The following ZNF423 variants were observed in gnomAD, a reference collection of about 807,000 sequenced individuals.
ZNF423 encodes the protein zinc finger protein 423, also known as Ebf-associated zinc finger protein.
A neutral mutation model predicts 95.8 loss-of-function variants in ZNF423; 12 were observed. That is an observed-to-expected ratio of 0.13 (90% CI 0.08 to 0.20). The LOEUF is 0.20. Among genes scored for constraint, ZNF423 ranks in the 10% least tolerant of loss-of-function variants. ZNF423 has a pLI of 1.00. For missense variants in ZNF423, 1,316 were observed against 1,737.1 expected (o/e 0.76, Z 4.31); for synonymous variants, 749 against 711.9 (o/e 1.05, Z -0.83).
At chr16:49,748,928 G>T (rs2110828) in intron 2 of ZNF423, among the ~76,000 whole-genome samples, 82,114 of 152,006 alleles carry the variant, frequency 0.54, 22,787 homozygotes, top group African/African-American at 0.68. Flanking sequence ...CTCTCATGCA[G>T]AAAGAGGTCA....
intron 5 of ZNF423, among the ~76,000 whole-genome samples, chr16:49,602,297 C>T (rs940952199): frequency 6.6e-6 from 1 of 152,222 alleles, no homozygotes; most frequent in African/African-American, 2.4e-5. Context: ...ATTGCCCACA[C>T]CCTCAGTTTT....
intron 3 of ZNF423, among the ~76,000 whole-genome samples, chr16:49,677,004 G>A (rs553364962): frequency 1.4e-3 from 216 of 151,658 alleles, no homozygotes; most frequent in African/African-American, 4.9e-3. Flanking sequence ...GATCACCTGA[G>A]GTCAGGAGCT....
At chr16:49,750,902 A>AG (rs927641065) in intron 2 of ZNF423, among the ~76,000 whole-genome samples, 1 of 152,202 alleles carries the variant, frequency 6.6e-6, no homozygotes, top group African/African-American at 2.4e-5. Flanking sequence ...GGGAGCAGCA[A>AG]GCACAAAGGA....
At chr16:49,801,503 A>C (rs2034582889) in intron 1 of ZNF423, among the ~76,000 whole-genome samples, 1 of 152,358 alleles carries the variant, frequency 6.6e-6, no homozygotes, top group Non-Finnish European at 1.5e-5. Context: ...CTGAATAAGC[A>C]GTGAAGTGCA....
intron 2 of ZNF423, among the ~76,000 whole-genome samples, chr16:49,753,464 G>T (rs146366026): frequency 6.6e-6 from 1 of 150,642 alleles, no homozygotes; most frequent in East Asian, 2.0e-4. Flanking sequence ...TTAGCCAGGC[G>T]TGGTGATGTG....
At chr16:49,693,045 C>T (rs1433590530) in intron 3 of ZNF423, among the ~76,000 whole-genome samples, 2 of 152,298 alleles carry the variant, frequency 1.3e-5, no homozygotes, top group East Asian at 1.9e-4. Context: ...TTGGATGAGC[C>T]ATAGAGTTCA....
chr16:49,664,386 G>A, intron 3 of ZNF423: 1 of 720,314 alleles, frequency 1.4e-6, no homozygotes, highest in African/African-American at 1.9e-5. Flanking sequence ...GCACAGATGG[G>A]GAGGGAGAGG....
At chr16:49,601,478 C>T (rs770734931) in intron 5 of ZNF423, among the ~76,000 whole-genome samples, 1 of 152,192 alleles carries the variant, frequency 6.6e-6, no homozygotes, top group East Asian at 1.9e-4. Context: ...CCCACAGGAA[C>T]GGAACCTGGT....
At chr16:49,494,394 A>G (rs1967080104) in intron 7 of ZNF423, among the ~76,000 whole-genome samples, 1 of 152,226 alleles carries the variant, frequency 6.6e-6, no homozygotes, top group Non-Finnish European at 1.5e-5. Context: ...GGGACCAGGC[A>G]CCAGAATTCA....
At chr16:49,575,454 C>T (rs1970467166) in intron 5 of ZNF423, among the ~76,000 whole-genome samples, 1 of 152,162 alleles carries the variant, frequency 6.6e-6, no homozygotes, top group Non-Finnish European at 1.5e-5. Context: ...TTCTTCAGGC[C>T]TCTAACATCA....
intron 1 of ZNF423, among the ~76,000 whole-genome samples, chr16:49,833,771 T>C (rs1024015662): frequency 6.6e-6 from 1 of 151,556 alleles, no homozygotes; most frequent in Non-Finnish European, 1.5e-5. Flanking sequence ...ATGTTATACT[T>C]GTTTTTCAGG....
intron 2 of ZNF423, among the ~76,000 whole-genome samples, chr16:49,748,581 G>A (rs868399842): frequency 5.3e-5 from 8 of 152,198 alleles, no homozygotes; most frequent in Non-Finnish European, 1.2e-4. Context: ...CCAGCTGGCC[G>A]ACCAAAGTAG....
chr16:49,630,891 C>T (rs369863929), intron 4 of ZNF423, among the ~76,000 whole-genome samples: 2 of 152,088 alleles, frequency 1.3e-5, no homozygotes, highest in South Asian at 2.1e-4. Context: ...AGGGAAGGGC[C>T]GGGAGAAGGG....
chr16:49,533,039 G>C (rs766781682), intron 5 of ZNF423, among the ~76,000 whole-genome samples: 1 of 152,156 alleles, frequency 6.6e-6, no homozygotes, highest in African/African-American at 2.4e-5. Context: ...GCCCTTCATC[G>C]CTACTGACCA....
intron 1 of ZNF423, among the ~76,000 whole-genome samples, chr16:49,790,782 C>T (rs563887153): frequency 1.3e-5 from 2 of 152,212 alleles, no homozygotes; most frequent in East Asian, 3.9e-4. Flanking sequence ...TTCTGTTTTC[C>T]CACTTCAAAA....
At chr16:49,543,476 GC>G (rs1214132103) in intron 5 of ZNF423, among the ~76,000 whole-genome samples, 5 of 152,180 alleles carry the variant, frequency 3.3e-5, no homozygotes, top group Non-Finnish European at 7.3e-5. Flanking sequence ...TCCTTCTGCT[GC>G]CCCCGGAGTC....
At chr16:49,842,472 T>G (rs1597057239) in intron 1 of ZNF423, among the ~76,000 whole-genome samples, 1 of 149,552 alleles carries the variant, frequency 6.7e-6, no homozygotes, top group Admixed American at 6.6e-5. Context: ...AAAGGCCAGG[T>G]GTGGTGGCTC....
chr16:49,622,407 C>T (rs1210515731), intron 5 of ZNF423, among the ~76,000 whole-genome samples: 4 of 151,842 alleles, frequency 2.6e-5, no homozygotes, highest in African/African-American at 9.7e-5. Context: ...CACCTACAGC[C>T]CCCCAGACTC....
chr16:49,670,429 A>G (rs776293171), intron 3 of ZNF423, among the ~76,000 whole-genome samples: 3 of 152,184 alleles, frequency 2.0e-5, no homozygotes, highest in Non-Finnish European at 4.4e-5. Flanking sequence ...AGACCCCCTC[A>G]TGGCTGTGGC....
Sources: allele counts gnomAD v4.1 joint callset (sites outside exome capture counted in the v4.1 genomes callset), GRCh38; gene constraint gnomAD v4.1.1; transcripts MANE v1.5; gene names NCBI Gene and HGNC (gene_info 2026-07-23, HGNC 2026-07-21).